The following CDH12 variants were observed in gnomAD, a reference collection of about 807,000 sequenced individuals.
CDH12 encodes cadherin 12, also known as cadherin-12.
Under a neutral mutation model 74.1 loss-of-function variants are expected in CDH12, and 41 were observed. The ratio of observed to expected loss-of-function variants is 0.55; its 90% CI spans 0.43 to 0.72. The LOEUF (loss-of-function observed/expected upper bound fraction) is 0.72, where lower values mean the gene tolerates loss of function less well. Among genes scored for constraint, CDH12 ranks in the 30% least tolerant of loss-of-function variants. The pLI, the probability that CDH12 is intolerant of heterozygous loss-of-function variation, is 0.00. For missense variants in CDH12, 945 were observed against 977.2 expected (o/e 0.97, Z 0.44); for synonymous variants, 399 against 355.0 (o/e 1.12, Z -1.39).
intron 3 of CDH12, among the ~76,000 whole-genome samples, chr5:22,370,310 T>G (rs746039676): frequency 6.6e-6 from 1 of 152,146 alleles, no homozygotes; most frequent in Non-Finnish European, 1.5e-5. Context: ...TAAAATTGGC[T>G]TAGGCTATTT....
chr5:22,375,823 A>T (rs1055906335), intron 3 of CDH12, among the ~76,000 whole-genome samples: 1 of 143,678 alleles, frequency 7.0e-6, no homozygotes, highest in African/African-American at 2.6e-5. Flanking sequence ...AACAGATGCT[A>T]ACGAGGCTGG....
chr5:22,122,864 C>A (rs1415865144), intron 4 of CDH12, among the ~76,000 whole-genome samples: 1 of 152,178 alleles, frequency 6.6e-6, no homozygotes, highest in Non-Finnish European at 1.5e-5. Flanking sequence ...CTGATCAGCT[C>A]TTCCTGGGTT....
intron 3 of CDH12, among the ~76,000 whole-genome samples, chr5:22,313,736 C>A (rs1240452593): frequency 6.6e-6 from 1 of 151,978 alleles, no homozygotes; most frequent in Non-Finnish European, 1.5e-5. Context: ...AGTGGAAAAC[C>A]AAAAACCGTA....
intron 3 of CDH12, among the ~76,000 whole-genome samples, chr5:22,239,700 T>C (rs1432118152): frequency 6.6e-6 from 1 of 152,182 alleles, no homozygotes; most frequent in Non-Finnish European, 1.5e-5. Flanking sequence ...AGAAACATAC[T>C]ATTTCAGGTG....
At chr5:21,887,557 G>A (rs1752694677) in intron 6 of CDH12, among the ~76,000 whole-genome samples, 1 of 152,056 alleles carries the variant, frequency 6.6e-6, no homozygotes, top group Non-Finnish European at 1.5e-5. Flanking sequence ...CGGATCCATA[G>A]CTTCCCTATT....
intron 1 of CDH12, among the ~76,000 whole-genome samples, chr5:22,531,038 A>T (rs1406352110): frequency 2.6e-5 from 4 of 152,234 alleles, no homozygotes; most frequent in African/African-American, 9.6e-5. Context: ...TATATCTCTG[A>T]AAGTCTTTGC....
chr5:21,822,790 T>C (rs767359913), intron 8 of CDH12, among the ~76,000 whole-genome samples: 37 of 152,096 alleles, frequency 2.4e-4, no homozygotes, highest in Non-Finnish European at 5.3e-4. Context: ...ACCATATACA[T>C]GAATAAGAAT....
intron 7 of CDH12, among the ~76,000 whole-genome samples, chr5:21,847,375 A>G (rs569680125): frequency 1.3e-5 from 2 of 152,110 alleles, no homozygotes; most frequent in Non-Finnish European, 2.9e-5. Flanking sequence ...ACAAATTACC[A>G]CAAACCTACT....
At chr5:22,324,263 C>A (rs1738997831) in intron 3 of CDH12, among the ~76,000 whole-genome samples, 1 of 152,006 alleles carries the variant, frequency 6.6e-6, no homozygotes, top group Admixed American at 6.6e-5. Context: ...TTAATCTTTT[C>A]ATTTTAAGGT....
At chr5:22,673,734 C>G (rs756012735) in intron 1 of CDH12, among the ~76,000 whole-genome samples, 1 of 151,946 alleles carries the variant, frequency 6.6e-6, no homozygotes, top group African/African-American at 2.4e-5. Flanking sequence ...GCATCACCTC[C>G]CTATCAATGA....
chr5:22,178,353 G>A (rs1299536717), intron 4 of CDH12, among the ~76,000 whole-genome samples: 1 of 152,008 alleles, frequency 6.6e-6, no homozygotes, highest in Non-Finnish European at 1.5e-5. Flanking sequence ...TTGTGATGGG[G>A]ATATCAGATA....
chr5:22,805,513 T>C (rs1241381911), intron 1 of CDH12, among the ~76,000 whole-genome samples: 1 of 152,074 alleles, frequency 6.6e-6, no homozygotes, highest in Non-Finnish European at 1.5e-5. Flanking sequence ...ATCTTAAACC[T>C]GAGTTTGAGT....
intron 5 of CDH12, among the ~76,000 whole-genome samples, chr5:22,069,783 T>C (rs181581124): frequency 4.7e-4 from 72 of 152,240 alleles, no homozygotes; most frequent in African/African-American, 1.7e-3. Context: ...GTCTGTAATA[T>C]TGGAGATTCC....
At chr5:22,350,761 T>A (rs1177325686) in intron 3 of CDH12, among the ~76,000 whole-genome samples, 1 of 152,218 alleles carries the variant, frequency 6.6e-6, no homozygotes, top group Non-Finnish European at 1.5e-5. Flanking sequence ...GCTAGGTATA[T>A]GGTCAGCATC....
chr5:22,207,017 T>A (rs1032006246), intron 4 of CDH12, among the ~76,000 whole-genome samples: 51 of 150,482 alleles, frequency 3.4e-4, no homozygotes, highest in African/African-American at 1.2e-3. Context: ...ATCCAGACCA[T>A]CCTGGCTAAC....
At chr5:22,453,365 C>T (rs558239706) in intron 2 of CDH12, among the ~76,000 whole-genome samples, 1 of 152,098 alleles carries the variant, frequency 6.6e-6, no homozygotes, top group African/African-American at 2.4e-5. Context: ...GGTATGAAAA[C>T]ATGTTGTATG....
At chr5:22,316,045 A>C (rs1738620868) in intron 3 of CDH12, among the ~76,000 whole-genome samples, 1 of 152,170 alleles carries the variant, frequency 6.6e-6, no homozygotes, top group African/African-American at 2.4e-5. Flanking sequence ...AGTCCTGACA[A>C]GAGAATGTGA....
At chr5:21,779,250 T>C (rs1745774805) in intron 11 of CDH12, 2 of 152,184 alleles carry the variant, frequency 1.3e-5, no homozygotes, top group South Asian at 4.1e-4. Flanking sequence ...TTTTCTTTTT[T>C]GAGACAGGTC....
intron 7 of CDH12, among the ~76,000 whole-genome samples, chr5:21,852,773 C>A (rs1750541503): frequency 6.6e-6 from 1 of 151,422 alleles, no homozygotes; most frequent in Non-Finnish European, 1.5e-5. Flanking sequence ...TCTCTATACA[C>A]CTACTTTTCT....
Sources: allele counts gnomAD v4.1 joint callset (sites outside exome capture counted in the v4.1 genomes callset), GRCh38; gene constraint gnomAD v4.1.1; transcripts MANE v1.5; gene names NCBI Gene and HGNC (gene_info 2026-07-23, HGNC 2026-07-21).